The following CLDN14 variants were observed in gnomAD, a reference collection of about 807,000 sequenced individuals.
The protein encoded by CLDN14 is claudin-14.
Under a neutral mutation model 2.1 loss-of-function variants are expected in CLDN14, and 2 were observed. That is an observed-to-expected ratio of 0.96 (90% CI 0.39 to 3.01). CLDN14 has a LOEUF of 3.01. CLDN14 is among the 30% of genes most tolerant of loss of function. The probability of loss-of-function intolerance (pLI) is 0.09; values close to 1 mark genes in which losing one functional copy is unlikely to be tolerated. For missense variants in CLDN14, 298 were observed against 328.0 expected (o/e 0.91, Z 0.71); for synonymous variants, 136 against 154.4 (o/e 0.88, Z 0.88).
chr21:36,562,810 A>C (rs954671918), intron 1 of CLDN14, among the ~76,000 whole-genome samples: 60 of 151,906 alleles, frequency 3.9e-4, no homozygotes, highest in African/African-American at 1.4e-3. Flanking sequence ...CAAGCGGTGT[A>C]GTTTTGTGGT....
At chr21:36,513,548 C>T (rs2087201520) in intron 1 of CLDN14, among the ~76,000 whole-genome samples, 1 of 152,144 alleles carries the variant, frequency 6.6e-6, no homozygotes. Flanking sequence ...CCTTCCAACT[C>T]ACATGCCAGT....
rs573565160 is a variant in CLDN14 at position 36,499,666 on chromosome 21, C to T, written c.-82+10697G>A. Among the ~76,000 whole-genome samples the T allele has an allele frequency of 6.6e-6, 1 of 152,296 alleles. No homozygotes were observed. The highest frequency in any genetic ancestry group is 2.1e-4 in the South Asian group (1 of 4,832). On this transcript the variant is annotated intron_variant, in intron 2 of 2. Transcript: ENST00000342108. The surrounding 1 kb of genome is among the most constrained non-coding windows in gnomAD (Gnocchi z 4.7). ...TGTTCCAGTCCACGTGACTCTTATGCATCATGATGTTGAGATTCACTGATT... is the reference window on the plus strand; with the variant it reads ...TGTTCCAGTCCACGTGACTCTTATGTATCATGATGTTGAGATTCACTGATT...
intron 1 of CLDN14, among the ~76,000 whole-genome samples, chr21:36,573,340 C>G (rs1370257110): frequency 6.7e-6 from 1 of 149,582 alleles, no homozygotes; most frequent in Non-Finnish European, 1.5e-5. Flanking sequence ...AATTACAATA[C>G]TAGGTATTAA....
intron 1 of CLDN14, among the ~76,000 whole-genome samples, chr21:36,541,540 G>A (rs1236588130): frequency 6.6e-6 from 1 of 152,104 alleles, no homozygotes; most frequent in Non-Finnish European, 1.5e-5. Flanking sequence ...GAAGCATGCT[G>A]GCTTACTCAG....
chr21:36,495,174 C>T (rs868050305), intron 2 of CLDN14, among the ~76,000 whole-genome samples: 1 of 152,074 alleles, frequency 6.6e-6, no homozygotes, highest in African/African-American at 2.4e-5. Flanking sequence ...CTAAAAAATA[C>T]AAAAATTAGC....
Position 36,479,817 on chromosome 21 carries a change from T to A in CLDN14, c.-404A>T, listed in dbSNP as rs370189669. Reference sequence around the variant, plus strand: ...TCATTTCTGCACTGTGGAAAAAAAATGCACGATACACCTGAACCTGGGCAT... The same window carrying A: ...TCATTTCTGCACTGTGGAAAAAAAAAGCACGATACACCTGAACCTGGGCAT... On this transcript the variant is annotated 5_prime_UTR_variant, in exon 1 of 2. Coordinates refer to ENST00000399135, the MANE Select transcript of CLDN14 (RefSeq NM_001146079.2). The A allele has an allele frequency of 1.3e-5, 2 of 152,032 alleles. No individual in the cohort carries two copies. The highest frequency in any genetic ancestry group is 4.8e-5 in the African/African-American group (2 of 41,374). 9.4% of individuals were successfully genotyped at this position (152,032 alleles called of 1,614,324 possible).
At chr21:36,555,932 C>T (rs1361280861) in intron 1 of CLDN14, among the ~76,000 whole-genome samples, 1 of 152,044 alleles carries the variant, frequency 6.6e-6, no homozygotes, top group Non-Finnish European at 1.5e-5. Context: ...GGCCGCACTT[C>T]TCTAGAATAA....
chr21:36,562,924 T>C (rs113299426), intron 1 of CLDN14, among the ~76,000 whole-genome samples: 135 of 152,280 alleles, frequency 8.9e-4, no homozygotes, highest in Middle Eastern at 3.4e-3. Flanking sequence ...ATGGGGCAAA[T>C]AATAATATGG....
intron 1 of CLDN14, among the ~76,000 whole-genome samples, chr21:36,555,848 T>TGA (rs2087595393): frequency 1.4e-5 from 2 of 140,266 alleles, no homozygotes; most frequent in South Asian, 2.2e-4. Context: ...TGTGTGTGTG[T>TGA]GTGAGAGAGA....
intron 1 of CLDN14, among the ~76,000 whole-genome samples, chr21:36,573,098 G>A (rs191610433): frequency 2.6e-3 from 389 of 152,178 alleles, no homozygotes; most frequent in African/African-American, 8.7e-3. Flanking sequence ...TCAGGAGATC[G>A]AGACCATCCT....
At chr21:36,547,578 G>T (rs1397233476) in intron 1 of CLDN14, among the ~76,000 whole-genome samples, 1 of 152,096 alleles carries the variant, frequency 6.6e-6, no homozygotes, top group East Asian at 1.9e-4. Context: ...CGCTGCTCCC[G>T]GCATGATGGA....
chr21:36,487,227 C>T (rs1374450390), intron 2 of CLDN14: 3 of 185,726 alleles, frequency 1.6e-5, no homozygotes, highest in African/African-American at 4.8e-5. Context: ...TCATGGTCTG[C>T]CTGCCTCGGC....
chr21:36,504,081 G>C (rs1233993240), intron 2 of CLDN14, among the ~76,000 whole-genome samples: 6 of 150,358 alleles, frequency 4.0e-5, no homozygotes, highest in Non-Finnish European at 7.4e-5. Context: ...GCTCATGCTT[G>C]TAATACCAGC....
intron 1 of CLDN14, among the ~76,000 whole-genome samples, chr21:36,465,755 A>C (rs531302258): frequency 6.6e-6 from 1 of 152,350 alleles, no homozygotes; most frequent in East Asian, 1.9e-4. Flanking sequence ...ATTTTCCTGC[A>C]GCCACGTGTG....
intron 1 of CLDN14, among the ~76,000 whole-genome samples, chr21:36,565,292 G>T (rs1419007588): frequency 6.6e-6 from 1 of 152,150 alleles, no homozygotes; most frequent in East Asian, 1.9e-4. Flanking sequence ...TGTGAGAATG[G>T]GCATGAGGTC....
intron 2 of CLDN14, chr21:36,485,862 T>C (rs1386791911): frequency 1.5e-5 from 8 of 547,930 alleles, no homozygotes; most frequent in Non-Finnish European, 2.5e-5. Flanking sequence ...CCTTTTTTTT[T>C]TTTTTATGTT....
chr21:36,542,034 T>C (rs1220621149), intron 1 of CLDN14, among the ~76,000 whole-genome samples: 1 of 152,198 alleles, frequency 6.6e-6, no homozygotes, highest in Non-Finnish European at 1.5e-5. Flanking sequence ...CTCCGCTCAC[T>C]GCATCCTTTG....
Position 36,461,699 on chromosome 21 carries a change from G to A in CLDN14, c.-4C>T, listed in dbSNP as rs1455333983. On this transcript the variant is annotated 5_prime_UTR_variant, in exon 2 of 2. Transcript: ENST00000399135. ...GCTGCACGGCCGTGCTGGCCATGGT[G>A]CGGCTGCCTGCCTAGGCCAGCCGGG... The A allele has an allele frequency of 1.9e-6, 3 of 1,549,128 alleles. No homozygotes were observed. The highest frequency in any genetic ancestry group is 2.6e-6 in the Non-Finnish European group (3 of 1,147,244).
intron 2 of CLDN14, among the ~76,000 whole-genome samples, chr21:36,495,450 G>A (rs1601610122): frequency 6.6e-6 from 1 of 152,244 alleles, no homozygotes; most frequent in Non-Finnish European, 1.5e-5. Context: ...TGGGATGAAG[G>A]CTTGGGACAG....
Sources: allele counts gnomAD v4.1 joint callset (sites outside exome capture counted in the v4.1 genomes callset), GRCh38; gene constraint gnomAD v4.1.1; non-coding constraint Gnocchi (gnomAD v3.1); transcripts MANE v1.5; gene names NCBI Gene and HGNC (gene_info 2026-07-23, HGNC 2026-07-21).